The following NHS variants were observed in gnomAD, a reference collection of about 807,000 sequenced individuals.
The protein encoded by NHS is actin remodeling regulator NHS.
Under a neutral mutation model 72.5 loss-of-function variants are expected in NHS, and 5 were observed. That is an observed-to-expected ratio of 0.07 (90% CI 0.04 to 0.14). The LOEUF (loss-of-function observed/expected upper bound fraction) is 0.14. Ranked by LOEUF, NHS falls within the 10% of genes least tolerant of loss-of-function variation. NHS has a pLI of 1.00. For missense variants in NHS, 1,072 were observed against 1,355.7 expected (o/e 0.79, Z 3.29); for synonymous variants, 464 against 547.7 (o/e 0.85, Z 2.13).
chrX:17,531,080 C>G (rs1052662597), intron 1 of NHS, among the ~76,000 whole-genome samples: 8 of 112,007 alleles, frequency 7.1e-5, no homozygotes, highest in Non-Finnish European at 1.3e-4. Flanking sequence ...CTTTATTTCT[C>G]TCTCCATGGA....
intron 1 of NHS, among the ~76,000 whole-genome samples, chrX:17,566,720 T>C (rs2065446190): frequency 9.0e-6 from 1 of 111,197 alleles, no homozygotes; most frequent in Non-Finnish European, 1.9e-5. Context: ...AGGATTTTTT[T>C]CCTTTCAAAA....
At position 17,449,722 on chromosome X, in the gene NHS, G is replaced by A. The variant is rs1236966694; in HGVS notation, c.565+73400G>A. 3.6e-5 allele frequency among the ~76,000 whole-genome samples: 4 copies of A among 112,408 alleles called. No homozygotes were observed. The East Asian group carries it at 1.1e-3, about 31-fold the overall frequency. ...CAGATTTAAAGGAAAAATCAGTCAGGTGTTTAGAGATGTAGATAGCTCTTA... is the reference window on the plus strand; with the variant it reads ...CAGATTTAAAGGAAAAATCAGTCAGATGTTTAGAGATGTAGATAGCTCTTA... On this transcript the variant is annotated intron_variant, in intron 1 of 8. Coordinates refer to ENST00000676302, the MANE Select transcript of NHS (RefSeq NM_001291867.2).
At chrX:17,413,972 C>T (rs1162525440) in intron 1 of NHS, among the ~76,000 whole-genome samples, 1 of 112,082 alleles carries the variant, frequency 8.9e-6, no homozygotes, top group Non-Finnish European at 1.9e-5. Flanking sequence ...ACCTTCTAAA[C>T]TCTCAGCTTT....
chrX:17,483,549 A>G (rs2064955570), intron 1 of NHS, among the ~76,000 whole-genome samples: 1 of 112,069 alleles, frequency 8.9e-6, no homozygotes, highest in Non-Finnish European at 1.9e-5. Flanking sequence ...CCAGTTTAGG[A>G]ACTCCTGTTT....
intron 1 of NHS, among the ~76,000 whole-genome samples, chrX:17,476,423 T>C (rs775996945): frequency 9.0e-6 from 1 of 111,536 alleles, no homozygotes; most frequent in Admixed American, 9.5e-5. Context: ...AGGAATTAGA[T>C]GTCTTGTGTT....
intron 1 of NHS, among the ~76,000 whole-genome samples, chrX:17,434,814 C>G (rs1243410788): frequency 8.9e-6 from 1 of 111,754 alleles, no homozygotes; most frequent in Non-Finnish European, 1.9e-5. Flanking sequence ...TGATGGCAAG[C>G]AATACCCAGA....
chrX:17,407,628 C>T (rs915794770), intron 1 of NHS, among the ~76,000 whole-genome samples: 3 of 111,953 alleles, frequency 2.7e-5, no homozygotes, highest in African/African-American at 9.8e-5. Flanking sequence ...TGTTACTAGT[C>T]ATGATAGCTG....
chrX:17,416,003 A>C (rs1009834577), intron 1 of NHS, among the ~76,000 whole-genome samples: 2 of 111,252 alleles, frequency 1.8e-5, no homozygotes, highest in East Asian at 5.7e-4. Flanking sequence ...GTATTTTCCA[A>C]CCAACAGGCT....
intron 1 of NHS, among the ~76,000 whole-genome samples, chrX:17,488,083 G>A (rs922171540): frequency 9.9e-5 from 11 of 111,164 alleles, no homozygotes; most frequent in Admixed American, 3.8e-4. Flanking sequence ...CCACCTCGCC[G>A]CCTCGCTTCT....
chrX:17,683,194 C>T (rs2066139893), intron 1 of NHS, among the ~76,000 whole-genome samples: 1 of 111,952 alleles, frequency 8.9e-6, no homozygotes, highest in South Asian at 3.7e-4. Context: ...CAGCAGTTTG[C>T]TTTTGTGGTT....
chrX:17,430,312 T>TTTCC (rs1555988198), intron 1 of NHS, among the ~76,000 whole-genome samples: 33 of 77,946 alleles, frequency 4.2e-4, no homozygotes, highest in African/African-American at 1.5e-3. Flanking sequence ...TCTTTCTTTC[T>TTTCC]TTCCTTTCTT....
chrX:17,640,226 A>G (rs924132781), intron 1 of NHS, among the ~76,000 whole-genome samples: 2 of 111,746 alleles, frequency 1.8e-5, no homozygotes, highest in African/African-American at 6.5e-5. Flanking sequence ...TTTTCTCTGA[A>G]GCCCACCCTG....
At chrX:17,492,043 C>G (rs1321490550) in intron 1 of NHS, among the ~76,000 whole-genome samples, 3 of 110,305 alleles carry the variant, frequency 2.7e-5, no homozygotes, top group Non-Finnish European at 5.7e-5. Flanking sequence ...ATTAGTCTGG[C>G]TTACAGTCTA....
intron 1 of NHS, among the ~76,000 whole-genome samples, chrX:17,501,494 G>A (rs1267917310): frequency 1.8e-5 from 2 of 111,852 alleles, no homozygotes; most frequent in Non-Finnish European, 3.8e-5. Flanking sequence ...CAACACTTTG[G>A]GAGGCAGAGG....
intron 1 of NHS, among the ~76,000 whole-genome samples, chrX:17,443,631 C>T (rs1267466729): frequency 1.8e-5 from 2 of 111,871 alleles, no homozygotes; most frequent in East Asian, 5.6e-4. Flanking sequence ...TTCCCCACCT[C>T]CCCATTGCAA....
At chrX:17,397,216 A>C (rs1317068973) in intron 1 of NHS, among the ~76,000 whole-genome samples, 2 of 112,485 alleles carry the variant, frequency 1.8e-5, no homozygotes, top group African/African-American at 3.2e-5. Flanking sequence ...CCCTCCCGGC[A>C]TGGCCACACA....
At position 17,394,764 on chromosome X, in the gene NHS, G is replaced by A. The variant is rs959696180; in HGVS notation, c.565+18442G>A. Among the ~76,000 whole-genome samples the A allele has an allele frequency of 2.8e-5, 3 of 109,060 alleles. No individual in the cohort carries two copies. The Admixed American group carries it at 2.9e-4, about 11-fold the overall frequency. The allele number at this position is 109,060 out of a possible 115,157, so 94.7% of individuals were successfully genotyped here. On this transcript the variant is annotated intron_variant, in intron 1 of 8. Coordinates refer to ENST00000676302, the MANE Select transcript of NHS (RefSeq NM_001291867.2). Reference sequence around the variant, plus strand: ...CCAACCCCACCCCCAGTTTTTGGAAGATCGCTGATTTTTTGTCTTAGATGA... The same window carrying A: ...CCAACCCCACCCCCAGTTTTTGGAAAATCGCTGATTTTTTGTCTTAGATGA...
intron 1 of NHS, among the ~76,000 whole-genome samples, chrX:17,385,631 A>G (rs767186783): frequency 8.9e-6 from 1 of 112,225 alleles, no homozygotes; most frequent in South Asian, 3.7e-4. Flanking sequence ...CTCAGTTTTT[A>G]AAAACACTAC....
intron 1 of NHS, among the ~76,000 whole-genome samples, chrX:17,390,415 A>T (rs1244698677): frequency 9.2e-6 from 1 of 108,428 alleles, no homozygotes; most frequent in Non-Finnish European, 1.9e-5. Flanking sequence ...CATTTACAAG[A>T]TGGCGCATGT....
Sources: allele counts gnomAD v4.1 joint callset (sites outside exome capture counted in the v4.1 genomes callset), GRCh38; gene constraint gnomAD v4.1.1; transcripts MANE v1.5; gene names NCBI Gene and HGNC (gene_info 2026-07-23, HGNC 2026-07-21).